PRKG1: variants seen among roughly 807,000 people sequenced by gnomAD.
The protein encoded by PRKG1 is cGMP-dependent protein kinase 1.
In PRKG1, 35 loss-of-function variants were observed where a neutral mutation model predicts 88.1. The ratio of observed to expected loss-of-function variants is 0.40; its 90% CI spans 0.30 to 0.53. The LOEUF (loss-of-function observed/expected upper bound fraction) is 0.53. Among genes scored for constraint, PRKG1 ranks in the 20% least tolerant of loss-of-function variants. The pLI is 0.59. For synonymous variants in PRKG1, 303 were observed against 292.5 expected, an observed-to-expected ratio of 1.04 and a Z score of -0.37; for missense variants, 540 against 839.8, an observed-to-expected ratio of 0.64 and a Z score of 4.41.
rs1423137281 is a variant in PRKG1, at chr10:51,095,532, A to AT, written c.311+20636dup. Among the ~76,000 whole-genome samples, 6 of 152,194 alleles carry AT rather than the reference A, an allele frequency of 3.9e-5. No homozygotes were observed. In the East Asian group the frequency reaches 1.2e-3, roughly 29 times the overall value. ...ATTTAAAATTAATAGCCCCAATCTT[A>AT]TTTTTGCCTTATTCACTTAGGAAAA... On this transcript the variant is annotated intron_variant, in intron 1 of 17. Coordinates refer to ENST00000373980, the MANE Select transcript of PRKG1 (RefSeq NM_006258.4).
At chr10:52,144,627 A>G (rs1053180469) in intron 8 of PRKG1, among the ~76,000 whole-genome samples, 1 of 152,180 alleles carries the variant, frequency 6.6e-6, no homozygotes, top group African/African-American at 2.4e-5. Context: ...CCTGGCCAAC[A>G]TGGTGAAACC....
At chr10:52,066,923 C>T (rs1331117914) in intron 7 of PRKG1, among the ~76,000 whole-genome samples, 1 of 152,136 alleles carries the variant, frequency 6.6e-6, no homozygotes, top group Non-Finnish European at 1.5e-5. Context: ...CCTATTAACT[C>T]ATCTTGATTA....
At chr10:52,239,169 G>T (rs1589725321) in intron 9 of PRKG1, among the ~76,000 whole-genome samples, 1 of 98,772 alleles carries the variant, frequency 1.0e-5, no homozygotes, top group South Asian at 4.3e-4. Context: ...TGGGGACTGT[G>T]GTGGGGTGGG....
intron 2 of PRKG1, among the ~76,000 whole-genome samples, chr10:51,366,581 C>T (rs1842594669): frequency 6.6e-6 from 1 of 151,920 alleles, no homozygotes. Flanking sequence ...CAGATTCTAT[C>T]TCTCTGTTAA....
At chr10:52,212,154 A>G (rs1839993691) in intron 9 of PRKG1, among the ~76,000 whole-genome samples, 1 of 152,190 alleles carries the variant, frequency 6.6e-6, no homozygotes. Flanking sequence ...ACATTTATGG[A>G]CTGAAAAAGG....
chr10:51,205,044 ACTAT>A (rs1838010877), intron 2 of PRKG1, among the ~76,000 whole-genome samples: 1 of 151,236 alleles, frequency 6.6e-6, no homozygotes, highest in South Asian at 2.1e-4. Context: ...TGAAATCCTA[ACTAT>A]CCTCAAAATA....
intron 3 of PRKG1, among the ~76,000 whole-genome samples, chr10:51,559,150 A>G (rs1373157763): frequency 6.6e-6 from 1 of 152,122 alleles, no homozygotes; most frequent in African/African-American, 2.4e-5. Context: ...AGTTTCAGGC[A>G]TCCACTGAGG....
chr10:51,944,479 T>C (rs1842981162), intron 5 of PRKG1, among the ~76,000 whole-genome samples: 1 of 152,072 alleles, frequency 6.6e-6, no homozygotes, highest in South Asian at 2.1e-4. Context: ...ATTTTAGTTA[T>C]TTCTTGCCTT....
chr10:51,577,499 G>A lies in PRKG1; in HGVS notation c.592+109663G>A, dbSNP rs192909751. ...AAATCCTAAATGTGGTATTCCTATC[G>A]AAATGCTGACTGGTGAAAAGAAATA... On this transcript the variant is annotated intron_variant, in intron 3 of 17. Transcript: ENST00000373980. Among the ~76,000 whole-genome samples, 531 of 152,024 alleles carry A rather than the reference G, an allele frequency of 3.5e-3. 7 individuals are homozygous for A. Among genetic ancestry groups the A allele is most frequent in the African/African-American group, 0.012 (497 of 41,516 alleles).
intron 5 of PRKG1, among the ~76,000 whole-genome samples, chr10:52,040,367 G>A (rs1845725461): frequency 6.6e-6 from 1 of 152,058 alleles, no homozygotes; most frequent in African/African-American, 2.4e-5. Context: ...AATCTGTCGG[G>A]GCAAACTATT....
chr10:51,145,662 A>T (rs1845927759), intron 1 of PRKG1, among the ~76,000 whole-genome samples: 1 of 152,106 alleles, frequency 6.6e-6, no homozygotes, highest in South Asian at 2.1e-4. Context: ...TGAATGGGAG[A>T]CTTTTAATAT....
At chr10:51,357,146 T>C (rs918435280) in intron 2 of PRKG1, among the ~76,000 whole-genome samples, 3 of 151,986 alleles carry the variant, frequency 2.0e-5, no homozygotes, top group Non-Finnish European at 4.4e-5. Flanking sequence ...GTGTAATGGG[T>C]ATAGACATAC....
intron 3 of PRKG1, among the ~76,000 whole-genome samples, chr10:51,491,182 A>G (rs1008250559): frequency 6.6e-6 from 1 of 152,062 alleles, no homozygotes; most frequent in African/African-American, 2.4e-5. Context: ...ACTTAAGTTG[A>G]TGATTTGGAG....
intron 7 of PRKG1, among the ~76,000 whole-genome samples, chr10:52,093,925 A>T (rs1847114920): frequency 6.6e-6 from 1 of 152,198 alleles, no homozygotes; most frequent in African/African-American, 2.4e-5. Context: ...GGAGGAGCTT[A>T]CAGACATTCC....
intron 3 of PRKG1, among the ~76,000 whole-genome samples, chr10:51,560,863 G>A (rs1296308888): frequency 6.6e-6 from 1 of 152,020 alleles, no homozygotes; most frequent in Non-Finnish European, 1.5e-5. Flanking sequence ...ATATGCTATT[G>A]TGTTATAATT....
At chr10:51,122,264 C>T (rs1190499124) in intron 1 of PRKG1, among the ~76,000 whole-genome samples, 1 of 152,184 alleles carries the variant, frequency 6.6e-6, no homozygotes, top group Non-Finnish European at 1.5e-5. Flanking sequence ...ATATGAAAGG[C>T]ATATGGTGGA....
intron 1 of PRKG1, among the ~76,000 whole-genome samples, chr10:51,024,078 C>T (rs1269636514): frequency 6.6e-6 from 1 of 152,168 alleles, no homozygotes; most frequent in Non-Finnish European, 1.5e-5. Flanking sequence ...ATTAGAACTC[C>T]AGATGTTCAA....
intron 3 of PRKG1, among the ~76,000 whole-genome samples, chr10:51,506,486 G>A (rs1841208736): frequency 1.3e-5 from 2 of 152,166 alleles, no homozygotes; most frequent in South Asian, 2.1e-4. Flanking sequence ...CAACAAGTGG[G>A]CAAAGGATAT....
At chr10:52,137,592 G>A (rs1233672112) in intron 8 of PRKG1, among the ~76,000 whole-genome samples, 1 of 152,028 alleles carries the variant, frequency 6.6e-6, no homozygotes. Context: ...CATAATATTT[G>A]CATATAACCT....
Sources: gnomAD v4.1 joint callset for allele counts (sites outside exome capture counted in the v4.1 genomes callset) on GRCh38, gnomAD v4.1.1 for gene constraint, MANE v1.5 for transcripts, NCBI Gene and HGNC (gene_info 2026-07-23, HGNC 2026-07-21) for gene names.